SLC38A6: variants seen among roughly 807,000 people sequenced by gnomAD.
SLC38A6 encodes the protein N system amino acid transporter NAT-1.
Under a neutral mutation model 65.0 loss-of-function variants are expected in SLC38A6, and 73 were observed. The observed-to-expected ratio is 1.12, with a 90% CI of 0.93 to 1.37. The LOEUF (loss-of-function observed/expected upper bound fraction) is 1.37, where lower values mean the gene tolerates loss of function less well. SLC38A6 is among the 40% of genes most tolerant of loss of function. The pLI is 0.00. For missense variants in SLC38A6, 561 were observed against 531.1 expected, an observed-to-expected ratio of 1.06 and a Z score of -0.55; for synonymous variants, 183 against 178.8, an observed-to-expected ratio of 1.02 and a Z score of -0.19.
At chr14:61,044,722 CTAA>C (rs1335951551) in intron 10 of SLC38A6, among the ~76,000 whole-genome samples, 1 of 151,986 alleles carries the variant, frequency 6.6e-6, no homozygotes, top group Non-Finnish European at 1.5e-5. Context: ...CTTAAGTATT[CTAA>C]TAATAAAAAC....
At chr14:61,013,117 T>C (rs2139503392) in intron 3 of SLC38A6, among the ~76,000 whole-genome samples, 1 of 152,352 alleles carries the variant, frequency 6.6e-6, no homozygotes, top group African/African-American at 2.4e-5. Flanking sequence ...CTTGTTGAAT[T>C]GATCCCTTTA....
At chr14:60,985,510 T>TA (rs1368999606) in intron 3 of SLC38A6, among the ~76,000 whole-genome samples, 1 of 152,244 alleles carries the variant, frequency 6.6e-6, no homozygotes, top group Non-Finnish European at 1.5e-5. Context: ...CTGGTCTTTT[T>TA]ATCTGTCTAG....
At chr14:61,030,095 G>A (rs1211196746) in intron 5 of SLC38A6, among the ~76,000 whole-genome samples, 13 of 152,200 alleles carry the variant, frequency 8.5e-5, no homozygotes, top group African/African-American at 2.6e-4. Flanking sequence ...TGCCTTAGAC[G>A]GAGTGATAAC....
chr14:60,981,741 G>C (rs1247938147), intron 1 of SLC38A6: 1 of 1,297,420 alleles, frequency 7.7e-7, no homozygotes, highest in Admixed American at 2.3e-5. Context: ...TGAGGTCTTT[G>C]CAAGAGTCAC....
chr14:61,081,514 A>C (rs560402424), intron 16 of SLC38A6, among the ~76,000 whole-genome samples: 2 of 152,080 alleles, frequency 1.3e-5, no homozygotes, highest in South Asian at 4.2e-4. Flanking sequence ...GTGAAACCCC[A>C]TCTCTAATAA....
Position 61,001,625 on chromosome 14 carries a change from T to C in SLC38A6, c.311-14279T>C, listed in dbSNP as rs2038717557. Among the ~76,000 whole-genome samples, 3 of 152,290 alleles carry C rather than the reference T, an allele frequency of 2.0e-5. No individual in the cohort carries two copies. The South Asian group carries it at 6.2e-4, about 32-fold the overall frequency. ...CAGAGTTAGCAACATGTAAAGAGTTTTGTTTTTAATTTTTTTGGTGATTGC... is the reference window on the plus strand; with the variant it reads ...CAGAGTTAGCAACATGTAAAGAGTTCTGTTTTTAATTTTTTTGGTGATTGC... On this transcript the variant is annotated intron_variant, in intron 3 of 15. Transcript: ENST00000267488.
intron 15 of SLC38A6, among the ~76,000 whole-genome samples, chr14:61,064,618 T>C (rs2042965497): frequency 6.7e-6 from 1 of 148,774 alleles, no homozygotes; most frequent in South Asian, 2.2e-4. Flanking sequence ...TTAGATGAGG[T>C]TAATAAGATG....
Position 61,083,696 on chromosome 14 carries a change from GA to G in SLC38A6, c.1552del (p.Thr518LeufsTer2). ...TTGATCTTGCACTTCCCAACCTCCA[GA>G]ACTGTGAGCAAATAAATGATGTTGT... is the stretch of plus-strand genomic sequence containing the variant. On this transcript the variant is annotated frameshift_variant, in exon 17 of 17. Transcript: ENST00000354886. LOFTEE classifies it high-confidence loss of function. The G allele has an allele frequency of 6.5e-7, 1 of 1,547,828 alleles. No homozygotes were observed. Among genetic ancestry groups the G allele is most frequent in the South Asian group, 1.2e-5 (1 of 83,314 alleles).
exon 17 of SLC38A6, chr14:61,083,690 C>T (rs1342064630): frequency 1.3e-6 from 2 of 1,548,474 alleles, no homozygotes; most frequent in African/African-American, 2.7e-5. Context: ...CACTTCCCAA[C>T]CTCCAGAACT....
At chr14:60,998,398 C>A (rs182451794) in intron 3 of SLC38A6, among the ~76,000 whole-genome samples, 3 of 152,102 alleles carry the variant, frequency 2.0e-5, no homozygotes, top group South Asian at 2.1e-4. Context: ...AGTGTTTGAA[C>A]GTCAAGGAGA....
rs2042016339 is a variant in SLC38A6, at chr14:61,044,549, C to T, written c.745-797C>T. 2.6e-5 allele frequency among the ~76,000 whole-genome samples: 4 copies of T among 152,208 alleles called. No individual in the cohort carries two copies. In the South Asian group the frequency reaches 8.3e-4, roughly 32 times the overall value. On this transcript the variant is annotated intron_variant, in intron 10 of 15. Transcript: ENST00000267488. ...TATTTTAAGACTCTAGGCATTATGT[C>T]CCAAGATAGGTCTTCATTTCTGGAA...
intron 5 of SLC38A6, among the ~76,000 whole-genome samples, chr14:61,027,444 A>G (rs75383213): frequency 6.6e-6 from 1 of 152,052 alleles, no homozygotes; most frequent in African/African-American, 2.4e-5. Context: ...TCATTTGCAA[A>G]TTTTTGCTTA....
chr14:61,076,102 G>A (rs545314759), intron 15 of SLC38A6, among the ~76,000 whole-genome samples: 8 of 152,112 alleles, frequency 5.3e-5, no homozygotes, highest in East Asian at 3.9e-4. Flanking sequence ...TGATCTGCCC[G>A]TCTTGGCCTC....
chr14:61,061,867 T>C (rs1183303352), intron 15 of SLC38A6, among the ~76,000 whole-genome samples: 1 of 152,148 alleles, frequency 6.6e-6, no homozygotes, highest in African/African-American at 2.4e-5. Context: ...AGACAGAGTC[T>C]TACTCTGTCA....
chr14:61,063,641 C>T (rs1236555567), intron 15 of SLC38A6, among the ~76,000 whole-genome samples: 1 of 152,136 alleles, frequency 6.6e-6, no homozygotes, highest in Non-Finnish European at 1.5e-5. Flanking sequence ...TGCAGGTGCA[C>T]CTTTGCTTCT....
At chr14:60,995,234 CAGTA>C (rs1465943613) in intron 3 of SLC38A6, among the ~76,000 whole-genome samples, 1 of 152,100 alleles carries the variant, frequency 6.6e-6, no homozygotes, top group Non-Finnish European at 1.5e-5. Context: ...ACCTAAGTGT[CAGTA>C]AGTGAGTATA....
At chr14:60,982,383 AGT>A (rs889724770) in intron 1 of SLC38A6, 123 bp from the exon 2 acceptor site, 2 of 1,200,400 alleles carry the variant, frequency 1.7e-6, no homozygotes, top group African/African-American at 3.0e-5. Context: ...TTAAGCAACG[AGT>A]GTGTCATACA....
At chr14:61,023,588 A>AAT (rs1555352627) in intron 5 of SLC38A6, among the ~76,000 whole-genome samples, 2,803 of 23,302 alleles carry the variant, frequency 0.12, 44 homozygotes, top group Non-Finnish European at 0.41. Flanking sequence ...TAATAATAAT[A>AAT]ATATATATAT....
chr14:60,982,746 A>G, intron 2 of SLC38A6, 108 bp downstream of exon 2: 1 of 1,266,194 alleles, frequency 7.9e-7, no homozygotes, highest in East Asian at 2.5e-5. Flanking sequence ...CTAGTTAGTT[A>G]TTTCTGGGGT....
Sources: allele counts gnomAD v4.1 joint callset (sites outside exome capture counted in the v4.1 genomes callset), GRCh38; gene constraint gnomAD v4.1.1; transcripts MANE v1.5; gene names NCBI Gene and HGNC (gene_info 2026-07-23, HGNC 2026-07-21).